Variants in PBX3 observed in about 807,000 individuals in gnomAD.
The protein encoded by PBX3 is PBX homeobox 3.
A neutral mutation model predicts 48.5 loss-of-function variants in PBX3; 14 were observed. The ratio of observed to expected loss-of-function variants is 0.29; its 90% CI spans 0.19 to 0.45. The LOEUF is 0.45. PBX3 is among the 20% of genes least tolerant of loss of function. The pLI is 1.00. For synonymous variants in PBX3, 210 were observed against 200.3 expected, an observed-to-expected ratio of 1.05 and a Z score of -0.41; for missense variants, 386 against 546.7, an observed-to-expected ratio of 0.71 and a Z score of 2.93.
chr9:125,816,296 C>G lies in PBX3; in HGVS notation c.274+67673C>G, dbSNP rs552175757. On this transcript the variant is annotated intron_variant, in intron 2 of 8. Transcript: ENST00000373489. ...CACAGGTGTGAGCCCCTGCACCCGG[C>G]TCTTCCCCCTTCTCAATGGTATACC... Among the ~76,000 whole-genome samples the G allele has an allele frequency of 2.6e-3, 389 of 152,302 alleles. 6 individuals are homozygous for G. The highest frequency in any genetic ancestry group is 4.5e-3 in the Non-Finnish European group (305 of 68,028).
intron 2 of PBX3, among the ~76,000 whole-genome samples, chr9:125,787,094 C>CAGT (rs1241454917): frequency 1.3e-5 from 2 of 151,966 alleles, no homozygotes; most frequent in East Asian, 3.9e-4. Context: ...GGCTGGAGTG[C>CAGT]AGTAGCATGA....
At chr9:125,896,118 C>G (rs191449861) in intron 2 of PBX3, among the ~76,000 whole-genome samples, 20 of 152,068 alleles carry the variant, frequency 1.3e-4, no homozygotes, top group East Asian at 1.2e-3. Context: ...TAAAAATGTT[C>G]TTATTTCCTT....
intron 3 of PBX3, among the ~76,000 whole-genome samples, chr9:125,928,497 G>A (rs1238864118): frequency 1.4e-5 from 2 of 147,902 alleles, no homozygotes; most frequent in African/African-American, 5.0e-5. Flanking sequence ...TTGGAATCTC[G>A]CTTTGTTGCC....
intron 5 of PBX3, among the ~76,000 whole-genome samples, chr9:125,937,691 C>T (rs1490401906): frequency 2.0e-5 from 3 of 152,206 alleles, no homozygotes; most frequent in African/African-American, 2.4e-5. Context: ...GACAGGGTCT[C>T]GCTCTGTCAC....
chr9:125,805,017 AT>A (rs1441506038), intron 2 of PBX3, among the ~76,000 whole-genome samples: 1 of 151,888 alleles, frequency 6.6e-6, no homozygotes, highest in Non-Finnish European at 1.5e-5. Context: ...GAGCTTTTAT[AT>A]TTTGTTGGGG....
At chr9:125,765,548 A>G (rs895188588) in intron 2 of PBX3, among the ~76,000 whole-genome samples, 2 of 152,180 alleles carry the variant, frequency 1.3e-5, no homozygotes, top group Non-Finnish European at 1.5e-5. Flanking sequence ...AGGGCAGAAG[A>G]CTAGTTGAAG....
intron 2 of PBX3, among the ~76,000 whole-genome samples, chr9:125,815,828 C>T (rs1281587162): frequency 6.6e-6 from 1 of 152,110 alleles, no homozygotes; most frequent in Admixed American, 6.5e-5. Flanking sequence ...CTCTGTCAGT[C>T]TTTGCTGGGA....
intron 2 of PBX3, among the ~76,000 whole-genome samples, chr9:125,883,872 C>T (rs953184280): frequency 2.9e-4 from 44 of 152,140 alleles, no homozygotes; most frequent in Non-Finnish European, 4.1e-4. Context: ...AAAGGACTGT[C>T]GAGTTTCTGA....
intron 2 of PBX3, among the ~76,000 whole-genome samples, chr9:125,835,741 G>C (rs1839114691): frequency 6.6e-6 from 1 of 152,168 alleles, no homozygotes; most frequent in Non-Finnish European, 1.5e-5. Flanking sequence ...AGAGACAGGG[G>C]AACGTTCATA....
chr9:125,961,421 C>T (rs1178122415), intron 6 of PBX3, among the ~76,000 whole-genome samples: 1 of 152,154 alleles, frequency 6.6e-6, no homozygotes, highest in Non-Finnish European at 1.5e-5. Flanking sequence ...ATTTTGGCTG[C>T]ATTTTATGTG....
chr9:125,954,571 CTGT>C, intron 5 of PBX3, among the ~76,000 whole-genome samples: 1 of 152,280 alleles, frequency 6.6e-6, no homozygotes, highest in African/African-American at 2.4e-5. Flanking sequence ...GAGTCTCACT[CTGT>C]TGACAGGCTG....
At chr9:125,913,985 A>G (rs1841266204) in intron 2 of PBX3, among the ~76,000 whole-genome samples, 1 of 152,218 alleles carries the variant, frequency 6.6e-6, no homozygotes, top group Non-Finnish European at 1.5e-5. Context: ...AACTACAAGC[A>G]TGTACAGGTC....
chr9:125,762,907 G>T (rs1836706964), intron 2 of PBX3, among the ~76,000 whole-genome samples: 1 of 152,132 alleles, frequency 6.6e-6, no homozygotes, highest in Non-Finnish European at 1.5e-5. Context: ...CACTTGAGCA[G>T]ATTTTTTTTT....
At chr9:125,923,766 C>G (rs1189268052) in intron 3 of PBX3, among the ~76,000 whole-genome samples, 1 of 151,756 alleles carries the variant, frequency 6.6e-6, no homozygotes, top group African/African-American at 2.4e-5. Context: ...TGGGGTCTCA[C>G]TGTTGCCCAG....
At chr9:125,945,557 A>G (rs1017192107) in intron 5 of PBX3, among the ~76,000 whole-genome samples, 1 of 152,204 alleles carries the variant, frequency 6.6e-6, no homozygotes, top group Admixed American at 6.5e-5. Context: ...GATTTGTTAA[A>G]TGCTGTTCCC....
chr9:125,840,762 G>A (rs1228260185), intron 2 of PBX3, among the ~76,000 whole-genome samples: 1 of 151,962 alleles, frequency 6.6e-6, no homozygotes, highest in Non-Finnish European at 1.5e-5. Context: ...AAATGTTTAT[G>A]TTACAGAGTT....
intron 5 of PBX3, among the ~76,000 whole-genome samples, chr9:125,950,087 C>T (rs1327884455): frequency 6.6e-6 from 1 of 152,100 alleles, no homozygotes; most frequent in Non-Finnish European, 1.5e-5. Context: ...AAAAAAAACT[C>T]TTAACTGTAA....
At chr9:125,962,552 C>T (rs7026855) in intron 7 of PBX3, among the ~76,000 whole-genome samples, 95,948 of 152,120 alleles carry the variant, frequency 0.63, 31,788 homozygotes, top group East Asian at 0.77. Flanking sequence ...TTTCATTTCT[C>T]AAGTCAGAGT....
chr9:125,922,079 C>A (rs1430712017), intron 3 of PBX3, among the ~76,000 whole-genome samples: 1 of 151,968 alleles, frequency 6.6e-6, no homozygotes, highest in Non-Finnish European at 1.5e-5. Flanking sequence ...TGAAAAAAGC[C>A]CCACCACAAA....
Sources: gnomAD v4.1 joint callset for allele counts (sites outside exome capture counted in the v4.1 genomes callset) on GRCh38, gnomAD v4.1.1 for gene constraint, MANE v1.5 for transcripts, NCBI Gene and HGNC (gene_info 2026-07-23, HGNC 2026-07-21) for gene names.